The following RBL2 variants were observed in gnomAD, a reference collection of about 807,000 sequenced individuals.
RBL2 encodes retinoblastoma-like protein 2.
RBL2 carries 56 observed loss-of-function variants against 126.0 expected under a neutral mutation model. The ratio of observed to expected loss-of-function variants is 0.44; its 90% CI spans 0.36 to 0.56. RBL2 has a LOEUF of 0.56. RBL2 is among the 20% of genes least tolerant of loss of function. The pLI, the probability that RBL2 is intolerant of heterozygous loss-of-function variation, is 0.00. For missense variants in RBL2, 1,229 were observed against 1,398.2 expected, an observed-to-expected ratio of 0.88 and a Z score of 1.93; for synonymous variants, 454 against 478.5, an observed-to-expected ratio of 0.95 and a Z score of 0.67.
chr16:53,482,848 CAT>C (rs905581535), intron 21 of RBL2, among the ~76,000 whole-genome samples: 1 of 149,222 alleles, frequency 6.7e-6, no homozygotes, highest in East Asian at 2.0e-4. Flanking sequence ...TAGAAATACA[CAT>C]ATATATATGG....
chr16:53,467,194 A>AT (rs2058280560), intron 14 of RBL2, 25 bp downstream of exon 14: 1 of 1,555,858 alleles, frequency 6.4e-7, no homozygotes, highest in African/African-American at 1.4e-5. Flanking sequence ...CTAGGAGAAT[A>AT]TTTTGGGGCT....
chr16:53,446,686 A>G (rs905520213), intron 3 of RBL2, among the ~76,000 whole-genome samples: 1 of 152,244 alleles, frequency 6.6e-6, no homozygotes, highest in Non-Finnish European at 1.5e-5. Context: ...AAAGGAGAAA[A>G]AAATAAGGAC....
Position 53,451,711 on chromosome 16 carries a change from C to G in RBL2, c.646C>G (p.Pro216Ala). 6.2e-7 allele frequency: 1 copy of G among 1,612,246 alleles called. No individual in the cohort carries two copies. The highest frequency in any genetic ancestry group is 8.5e-7 in the Non-Finnish European group (1 of 1,178,794). The change falls in exon 5 of 22, where the codon CCC becomes GCC. Residue 216 changes from proline to alanine, a missense_variant. Physicochemically the swap from Pro to Ala is conservative, Grantham distance 27. This residue lies in a region of RBL2 where 1,070 missense variants were observed against 1,274.3 expected (regional missense o/e 0.84). Coordinates refer to ENST00000262133, the MANE Select transcript of RBL2 (RefSeq NM_005611.4). The part of the protein sequence containing the change: ...VLFIYAKGNF[P>A]MISDDLVNSY... ...TGCTTATAATCCTGCAGGTAATTTC[C>G]CCATGATTAGTGATGATTTGGTCAA...
In RBL2 at chr16:53,461,824, A is replaced by G. The variant is rs1300390493; in HGVS notation, c.1430A>G (p.Asp477Gly). 1 of 1,612,770 alleles carries G rather than the reference A, an allele frequency of 6.2e-7. No individual in the cohort carries two copies. The highest frequency in any genetic ancestry group is 1.1e-5 in the South Asian group (1 of 91,024). ...ATATATTCTCAGCATTTCCAGCCAG[A>G]CGAGGATTTCAGTAATTGTGCTAAA... is the stretch of plus-strand genomic sequence containing the variant. ...FEIYSQHFQPDEDFSNCAKEI... is the reference protein window; with the variant it reads ...FEIYSQHFQPGEDFSNCAKEI... The change falls in exon 10 of 22, where the codon GAC becomes GGC. Residue 477 changes from aspartate to glycine, a missense_variant. Transcript: ENST00000262133.
chr16:53,483,275 A>AACAGTCC (rs1428916947), intron 21 of RBL2, among the ~76,000 whole-genome samples: 4 of 152,128 alleles, frequency 2.6e-5, no homozygotes, highest in Non-Finnish European at 4.4e-5. Flanking sequence ...AGTTGAGGAA[A>AACAGTCC]ACAGTCCGGG....
At chr16:53,435,760 G>T (rs1202603863) in intron 1 of RBL2, 3 of 1,283,896 alleles carry the variant, frequency 2.3e-6, no homozygotes. Flanking sequence ...ATTTAAATAT[G>T]ATGTTTTTGG....
intron 11 of RBL2, among the ~76,000 whole-genome samples, chr16:53,463,538 G>T (rs1049873030): frequency 4.7e-5 from 7 of 147,400 alleles, no homozygotes; most frequent in Non-Finnish European, 8.9e-5. Flanking sequence ...CACCTGCCTG[G>T]CCCCTTTCAA....
intron 4 of RBL2, chr16:53,449,341 G>A (rs1310064206): frequency 2.6e-5 from 4 of 151,840 alleles, no homozygotes; most frequent in African/African-American, 9.7e-5. Context: ...TCCTTATTTT[G>A]TTCTCACTGG....
intron 13 of RBL2, 25 bp from the exon 14 acceptor site, chr16:53,467,033 A>T (rs554106183): frequency 9.6e-5 from 150 of 1,563,110 alleles, no homozygotes; most frequent in Non-Finnish European, 1.3e-4. Flanking sequence ...GGATACTGGC[A>T]TTCTGTGTAA....
intron 8 of RBL2, among the ~76,000 whole-genome samples, chr16:53,458,597 G>C (rs1167170780): frequency 6.6e-6 from 1 of 152,192 alleles, no homozygotes; most frequent in African/African-American, 2.4e-5. Context: ...TATTTGGATG[G>C]TGGGTGTATT....
intron 21 of RBL2, chr16:53,487,601 G>GA (rs1961226207): frequency 1.3e-5 from 2 of 152,092 alleles, no homozygotes; most frequent in Non-Finnish European, 2.9e-5. Context: ...GAAGACAACA[G>GA]AAAATCTTAG....
At chr16:53,441,732 A>G (rs1234348076) in intron 2 of RBL2, among the ~76,000 whole-genome samples, 1 of 152,160 alleles carries the variant, frequency 6.6e-6, no homozygotes, top group Non-Finnish European at 1.5e-5. Flanking sequence ...GATTAAGACC[A>G]ACTTTAGAAT....
intron 17 of RBL2, 142 bp from the exon 18 acceptor site, chr16:53,479,012 T>C: frequency 1.5e-6 from 1 of 653,560 alleles, no homozygotes; most frequent in South Asian, 1.8e-5. Flanking sequence ...ATTTGCTATA[T>C]GCCGTTAATA....
At position 53,447,028 on chromosome 16, in the gene RBL2, T is replaced by G. The variant is rs768963410; in HGVS notation, c.573-14T>G. 1 of 1,493,502 alleles carries G rather than the reference T, an allele frequency of 6.7e-7. No individual in the cohort carries two copies. The allele number at this position is 1,493,502 out of a possible 1,614,324, so 92.5% of individuals were successfully genotyped here. ...TTCTGTTGTCTCATGACTTTTTTTT[T>G]TCTTCCCCCAAAGGCGACAGCCCTG... On this transcript the variant is annotated splice_polypyrimidine_tract_variant and intron_variant, in intron 3 of 21. Coordinates refer to ENST00000262133, the MANE Select transcript of RBL2 (RefSeq NM_005611.4).
In RBL2 at chr16:53,439,079, G is replaced by T. The variant is rs778738251; in HGVS notation, c.304G>T (p.Val102Leu). The change falls in exon 2 of 22, where the codon GTA becomes TTA. Residue 102 changes from valine to leucine, a missense_variant. By Grantham distance (32) the Val-to-Leu change is conservative. Transcript: ENST00000262133. ...YVACRKSVPT[V>L]SKGTVEGNYV... ...GGCTTGCAGAAAATCTGTTCCAACT[G>T]TAAGCAAAGGGACAGTGGAAGGAAA... The T allele has an allele frequency of 1.2e-6, 2 of 1,608,798 alleles. No individual in the cohort carries two copies. The highest frequency in any genetic ancestry group is 2.2e-5 in the South Asian group (2 of 90,390).
At chr16:53,474,848 T>TTCTA (rs1398969106) in intron 17 of RBL2, among the ~76,000 whole-genome samples, 6 of 152,318 alleles carry the variant, frequency 3.9e-5, no homozygotes, top group African/African-American at 1.4e-4. Context: ...AAGTGTTCTC[T>TTCTA]TCTATATTTA....
intron 18 of RBL2, 85 bp from the exon 19 acceptor site, chr16:53,479,801 C>T (rs1301639211): frequency 1.2e-6 from 1 of 856,538 alleles, no homozygotes; most frequent in Non-Finnish European, 1.8e-6. Flanking sequence ...ATTGTGAAAA[C>T]CAAGTAACAT....
At chr16:53,442,617 T>G in intron 2 of RBL2, 41 bp from the exon 3 acceptor site, 1 of 1,444,394 alleles carries the variant, frequency 6.9e-7, no homozygotes, top group Non-Finnish European at 9.6e-7. Context: ...TACTTTAGCC[T>G]TATGTTAATT....
intron 20 of RBL2, 99 bp downstream of exon 20, chr16:53,480,868 A>G: frequency 7.9e-7 from 1 of 1,267,940 alleles, no homozygotes; most frequent in Non-Finnish European, 1.1e-6. Flanking sequence ...CCGTATATAA[A>G]CTAGTTTTGG....
Sources: gnomAD v4.1 joint callset for allele counts (sites outside exome capture counted in the v4.1 genomes callset) on GRCh38, gnomAD v4.1.1 for gene constraint, gnomAD v4.1.1 regional missense constraint, MANE v1.5 for transcripts, NCBI Gene and HGNC (gene_info 2026-07-23, HGNC 2026-07-21) for gene names.